Variants in PATJ observed in about 807,000 individuals in gnomAD.
The protein encoded by PATJ is PATJ crumbs cell polarity complex component.
A neutral mutation model predicts 224.9 loss-of-function variants in PATJ; 190 were observed. The observed-to-expected ratio is 0.84, with a 90% CI of 0.75 to 0.95. The LOEUF is 0.95. PATJ is among the 40% of genes least tolerant of loss of function. The pLI is 0.00. For missense variants in PATJ, 2,121 were observed against 2,270.3 expected, an observed-to-expected ratio of 0.93 and a Z score of 1.34; for synonymous variants, 769 against 820.3, an observed-to-expected ratio of 0.94 and a Z score of 1.07.
intron 39 of PATJ, among the ~76,000 whole-genome samples, chr1:62,125,241 AAAAAAAAAAAAAC>A (rs1222521824): frequency 2.4e-4 from 27 of 111,734 alleles, no homozygotes; most frequent in African/African-American, 9.2e-4. Context: ...TGTCTCAAAA[AAAAAAAAAAAAAC>A]AAAAAAAAAC....
intron 30 of PATJ, among the ~76,000 whole-genome samples, chr1:62,042,512 A>G (rs189061173): frequency 6.6e-6 from 1 of 152,246 alleles, no homozygotes; most frequent in African/African-American, 2.4e-5. Context: ...TCAAATCATA[A>G]CCAAATAGAT....
At chr1:61,771,370 T>C in intron 5 of PATJ, 61 bp from the exon 6 acceptor site, 1 of 1,073,266 alleles carries the variant, frequency 9.3e-7, no homozygotes, top group South Asian at 1.8e-5. Flanking sequence ...TTAACTTTAA[T>C]AGATTTTTAA....
chr1:62,005,045 G>A (rs1279671361), intron 28 of PATJ, among the ~76,000 whole-genome samples: 1 of 151,900 alleles, frequency 6.6e-6, no homozygotes, highest in Non-Finnish European at 1.5e-5. Context: ...ACGATTATTA[G>A]TATAATTGTT....
At chr1:62,111,283 TAACTC>T (rs1663780288) in intron 34 of PATJ, among the ~76,000 whole-genome samples, 4 of 152,118 alleles carry the variant, frequency 2.6e-5, no homozygotes, top group Admixed American at 6.5e-5. Flanking sequence ...TACAGGAAAA[TAACTC>T]AGACCACATT....
At chr1:62,120,234 A>G (rs914043894) in intron 37 of PATJ, among the ~76,000 whole-genome samples, 1 of 152,222 alleles carries the variant, frequency 6.6e-6, no homozygotes, top group Admixed American at 6.5e-5. Context: ...CAAAATACTC[A>G]TTGTGAAATC....
chr1:61,871,188 AAAG>A, intron 20 of PATJ, among the ~76,000 whole-genome samples: 2 of 147,654 alleles, frequency 1.4e-5, no homozygotes, highest in Admixed American at 1.3e-4. Flanking sequence ...AAACCAGAAA[AAAG>A]AAATTCTTGT....
Position 61,914,569 on chromosome 1 carries a change from C to T in PATJ, c.3493-18C>T. 1 of 1,318,912 alleles carries T rather than the reference C, an allele frequency of 7.6e-7. No homozygotes were observed. Among genetic ancestry groups the T allele is most frequent in the Non-Finnish European group, 1.1e-6 (1 of 940,860 alleles). 81.7% of individuals were successfully genotyped at this position (1,318,912 alleles called of 1,614,324 possible). On this transcript the variant is annotated intron_variant, in intron 25 of 43. Transcript: ENST00000642238. ...TTTAAACGTTTTCTTCCCCCCACCC[C>T]TTTTTTTGTCACCATAGGTCATTCC...
chr1:62,130,197 G>A (rs189469874), intron 41 of PATJ, among the ~76,000 whole-genome samples: 10 of 152,294 alleles, frequency 6.6e-5, no homozygotes, highest in Admixed American at 5.2e-4. Context: ...AGCCCGGCAT[G>A]GTGGTGTGTG....
At chr1:61,944,468 G>A (rs1163612991) in intron 27 of PATJ, among the ~76,000 whole-genome samples, 5 of 152,176 alleles carry the variant, frequency 3.3e-5, no homozygotes, top group African/African-American at 1.2e-4. Flanking sequence ...GTGGAAGAAA[G>A]GGTATCAGTG....
At chr1:61,871,079 G>GTTTTTTTTT (rs1274894642) in intron 20 of PATJ, among the ~76,000 whole-genome samples, 26 of 64,904 alleles carry the variant, frequency 4.0e-4, no homozygotes, top group East Asian at 5.8e-4. Context: ...TGTTTTTTTT[G>GTTTTTTTTT]TTTTTTTTTT....
rs572504147 is a variant in PATJ at position 61,887,209 on chromosome 1, G to A, written c.3131+2801G>A. Among the ~76,000 whole-genome samples the A allele has an allele frequency of 4.6e-5, 7 of 152,172 alleles. No homozygotes were observed. In the East Asian group the frequency reaches 7.7e-4, roughly 17 times the overall value. On this transcript the variant is annotated intron_variant, in intron 22 of 43. Transcript: ENST00000642238. ...ATAGTCTGTGGAGATGGTGGAGGGA[G>A]GAGAGAACATTGCACACTTGGAATC... is the stretch of plus-strand genomic sequence containing the variant.
chr1:61,985,657 G>A (rs1045214392), intron 27 of PATJ, among the ~76,000 whole-genome samples: 2 of 152,140 alleles, frequency 1.3e-5, no homozygotes, highest in East Asian at 1.9e-4. Flanking sequence ...ACTTGATCCA[G>A]TGGTGGCATT....
intron 28 of PATJ, among the ~76,000 whole-genome samples, chr1:62,016,763 G>A (rs1316122619): frequency 2.0e-5 from 3 of 152,226 alleles, no homozygotes; most frequent in East Asian, 3.9e-4. Flanking sequence ...TGTGTAGTTG[G>A]TTTAAAATTT....
intron 14 of PATJ, among the ~76,000 whole-genome samples, chr1:61,815,864 G>A (rs981601673): frequency 4.6e-5 from 7 of 152,104 alleles, no homozygotes; most frequent in African/African-American, 1.2e-4. Flanking sequence ...CAGTTTTCCC[G>A]CATCTAGGGA....
rs370913511 is a variant in PATJ, at chr1:61,917,216, C to T, written c.3570+2552C>T. On this transcript the variant is annotated intron_variant, in intron 26 of 43. Coordinates refer to ENST00000642238, the MANE Select transcript of PATJ (RefSeq NM_001350145.3). ...AAGTTTAACTATAAACTAAATTCCT[C>T]CTATGGTCAGCTTGGCCTATGCACA... Among the ~76,000 whole-genome samples the T allele has an allele frequency of 5.4e-4, 82 of 152,244 alleles. 1 individual carries two copies. In the South Asian group the frequency reaches 8.1e-3, roughly 15 times the overall value.
chr1:61,801,563 C>A, intron 11 of PATJ, 60 bp from the exon 12 acceptor site: 1 of 1,055,320 alleles, frequency 9.5e-7, no homozygotes, highest in Non-Finnish European at 1.3e-6. Context: ...TAGTCCTCAA[C>A]AACTAATAAT....
At chr1:61,905,603 A>G (rs1414363662) in intron 24 of PATJ, among the ~76,000 whole-genome samples, 1 of 152,238 alleles carries the variant, frequency 6.6e-6, no homozygotes, top group Non-Finnish European at 1.5e-5. Flanking sequence ...TTTCTGTAGG[A>G]TAAACACCCA....
In PATJ at chr1:61,863,987, G is replaced by A. The variant is rs763245647; in HGVS notation, c.2440-251G>A. ...GTCAGGTGGTTAATGTATAATGAAC[G>A]TTTTAGCAAAATCATTCACCTTGCC... On this transcript the variant is annotated intron_variant, in intron 19 of 43. Coordinates refer to ENST00000642238, the MANE Select transcript of PATJ (RefSeq NM_001350145.3). Among the ~76,000 whole-genome samples, 58 of 152,146 alleles carry A rather than the reference G, an allele frequency of 3.8e-4. 1 individual carries two copies. The highest frequency in any genetic ancestry group is 4.1e-4 in the Non-Finnish European group (28 of 68,038).
intron 20 of PATJ, chr1:61,865,525 G>A (rs2148961553): frequency 6.6e-6 from 1 of 152,140 alleles, no homozygotes; most frequent in Non-Finnish European, 1.5e-5. Context: ...ATTACAGGTA[G>A]GAGCCACTGT....
Sources: gnomAD v4.1 joint callset for allele counts (sites outside exome capture counted in the v4.1 genomes callset) on GRCh38, gnomAD v4.1.1 for gene constraint, MANE v1.5 for transcripts, NCBI Gene and HGNC (gene_info 2026-07-23, HGNC 2026-07-21) for gene names.